Variants in IQANK1 observed in about 807,000 individuals in gnomAD.
The protein encoded by IQANK1 is IQ motif and ankyrin repeat domain-containing protein 1.
IQANK1 carries 30 observed loss-of-function variants against 22.6 expected under a neutral mutation model. The observed-to-expected ratio is 1.33, with a 90% CI of 0.99 to 1.80. IQANK1 has a LOEUF of 1.80. Ranked by LOEUF, IQANK1 falls within the 40% of genes most tolerant of loss-of-function variation. IQANK1 has a pLI of 0.00. For missense variants in IQANK1, 275 were observed against 235.2 expected, an observed-to-expected ratio of 1.17 and a Z score of -1.11; for synonymous variants, 122 against 99.6, an observed-to-expected ratio of 1.23 and a Z score of -1.34.
At chr8:143,738,832 T>A (rs1554626050) in intron 2 of IQANK1, among the ~76,000 whole-genome samples, 1 of 152,174 alleles carries the variant, frequency 6.6e-6, no homozygotes, top group African/African-American at 2.4e-5. Flanking sequence ...ACAGACAACC[T>A]GAGCCCAGCT....
chr8:143,769,968 A>G (rs940830434), intron 3 of IQANK1, among the ~76,000 whole-genome samples: 25 of 152,168 alleles, frequency 1.6e-4, no homozygotes, highest in African/African-American at 5.8e-4. Context: ...CGTGGTGCAC[A>G]GGCGTGTGCC....
At chr8:143,788,177 C>T (rs1819930070) in intron 7 of IQANK1, among the ~76,000 whole-genome samples, 1 of 152,240 alleles carries the variant, frequency 6.6e-6, no homozygotes, top group Admixed American at 6.5e-5. Flanking sequence ...GGGCAAGTGG[C>T]ATTCACACAC....
At chr8:143,787,814 G>C (rs951791491) in intron 7 of IQANK1, among the ~76,000 whole-genome samples, 16 of 151,762 alleles carry the variant, frequency 1.1e-4, no homozygotes, top group Admixed American at 1.0e-3. Context: ...CTGTGGGAAT[G>C]CGGCCGCTCA....
At position 143,790,219 on chromosome 8, in the gene IQANK1, C is replaced by T; in HGVS notation, c.1372C>T (p.Pro458Ser). The change falls in exon 13 of 14, where the codon CCG (proline) becomes TCG (serine). Residue 458 changes from proline (P) to serine (S), a missense_variant. Coordinates refer to ENST00000527139, the MANE Select transcript of IQANK1 (RefSeq NM_001381874.1). ...QDTNYVDTVN[P>S]EPLRPETMWL... ...TACCAACTATGTGGACACGGTGAAC[C>T]CGGAGCCCCTGAGGCCGGAGACGAT... The T allele has an allele frequency of 1.6e-6, 2 of 1,232,164 alleles. No homozygotes were observed. Among genetic ancestry groups the T allele is most frequent in the East Asian group, 6.3e-5 (2 of 31,712 alleles). The allele number at this position is 1,232,164 out of a possible 1,614,324, so 76.3% of individuals were successfully genotyped here. A position where few individuals can be genotyped will look rare whatever the true frequency, so the allele number is the denominator to read the frequency against.
intron 7 of IQANK1, among the ~76,000 whole-genome samples, chr8:143,772,942 G>A (rs1018334591): frequency 6.6e-6 from 1 of 152,210 alleles, no homozygotes; most frequent in Non-Finnish European, 1.5e-5. Flanking sequence ...CGGTTTTCCA[G>A]AGAACTTGAG....
At chr8:143,747,098 C>T (rs1554627292) in intron 3 of IQANK1, among the ~76,000 whole-genome samples, 1 of 152,164 alleles carries the variant, frequency 6.6e-6, no homozygotes, top group Non-Finnish European at 1.5e-5. Context: ...CCAGGATGGT[C>T]TCGATCTCCT....
At position 143,771,174 on chromosome 8, in the gene IQANK1, G is replaced by T. The variant is rs2129905585; in HGVS notation, c.176-314G>T. On this transcript the variant is annotated intron_variant, in intron 3 of 13. Transcript: ENST00000527139. The surrounding 1 kb of genome is among the most constrained non-coding windows in gnomAD (Gnocchi z 6.0). The stretch of plus-strand genomic sequence containing the variant: ...CTTTCAGGGAAGGGTGTCCCGCGGG[G>T]GACAGCACCCCTTCCTCACCGTTCC... Among the ~76,000 whole-genome samples the T allele has an allele frequency of 6.6e-6, 1 of 152,330 alleles. No individual in the cohort carries two copies. Among genetic ancestry groups the T allele is most frequent in the Admixed American group, 6.5e-5 (1 of 15,302 alleles).
intron 3 of IQANK1, among the ~76,000 whole-genome samples, chr8:143,749,209 A>ATATATATCATATATAAATATATACC (rs1563770730): frequency 1.6e-5 from 2 of 122,154 alleles, no homozygotes; most frequent in Non-Finnish European, 3.1e-5. Context: ...TAAATATATC[A>ATATATATCATATATAAATATATACC]TATATATCAT....
chr8:143,769,857 A>C (rs535368051), intron 3 of IQANK1, among the ~76,000 whole-genome samples: 1 of 152,322 alleles, frequency 6.6e-6, no homozygotes, highest in East Asian at 1.9e-4. Context: ...TGCAGAACCA[A>C]ATACTCTTCC....
intron 3 of IQANK1, among the ~76,000 whole-genome samples, chr8:143,767,144 A>G (rs1819495411): frequency 6.6e-6 from 1 of 152,262 alleles, no homozygotes; most frequent in Non-Finnish European, 1.5e-5. Context: ...TCGCAGATAC[A>G]TTCCAGAATC....
intron 3 of IQANK1, chr8:143,742,840 A>G (rs1554626773): frequency 8.8e-6 from 4 of 455,994 alleles, no homozygotes; most frequent in Admixed American, 2.3e-5. Context: ...GGTCCCAAAC[A>G]TGGCCTGTGC....
At chr8:143,785,186 A>G (rs1402445199) in intron 7 of IQANK1, among the ~76,000 whole-genome samples, 1 of 149,688 alleles carries the variant, frequency 6.7e-6, no homozygotes, top group Non-Finnish European at 1.5e-5. Flanking sequence ...AGCTATTTCT[A>G]TCATTTGTAG....
chr8:143,766,038 CA>C (rs1819475383), intron 3 of IQANK1, among the ~76,000 whole-genome samples: 1 of 152,236 alleles, frequency 6.6e-6, no homozygotes, highest in South Asian at 2.1e-4. Flanking sequence ...TCCCTCCCCA[CA>C]GCAGTGTAGG....
intron 7 of IQANK1, among the ~76,000 whole-genome samples, chr8:143,773,453 C>T (rs1051625169): frequency 6.6e-6 from 1 of 152,110 alleles, no homozygotes; most frequent in African/African-American, 2.4e-5. Context: ...AACCAGACCA[C>T]GAACCTCGCC....
At chr8:143,776,840 G>C (rs538126631) in intron 7 of IQANK1, among the ~76,000 whole-genome samples, 1 of 152,162 alleles carries the variant, frequency 6.6e-6, no homozygotes, top group African/African-American at 2.4e-5. Context: ...TCTGAGAAGC[G>C]TGAAGGAAGC....
chr8:143,734,522 T>C (rs1818669717), intron 1 of IQANK1, among the ~76,000 whole-genome samples: 1 of 149,910 alleles, frequency 6.7e-6, no homozygotes, highest in African/African-American at 2.5e-5. Flanking sequence ...CTGTGCCTCA[T>C]GTACACCAAC....
chr8:143,784,892 AG>A lies in IQANK1; in HGVS notation c.790-4022del, dbSNP rs567557769. Among the ~76,000 whole-genome samples the A allele has an allele frequency of 2.5e-3, 375 of 152,266 alleles. 1 individual carries two copies. The highest frequency in any genetic ancestry group is 4.5e-3 in the Non-Finnish European group (305 of 68,022). ...ATGATCAGCACTAGTAACTTACCAC[AG>A]TTTTTTTACCCTCTTTTCTGTATTT... is the stretch of plus-strand genomic sequence containing the variant. On this transcript the variant is annotated intron_variant, in intron 7 of 13. Transcript: ENST00000527139.
chr8:143,775,185 A>G (rs1819659164), intron 7 of IQANK1, among the ~76,000 whole-genome samples: 1 of 152,140 alleles, frequency 6.6e-6, no homozygotes, highest in South Asian at 2.1e-4. Context: ...CTATGTCAGT[A>G]TCCTAGTTTG....
chr8:143,784,400 A>G (rs541304512), intron 7 of IQANK1, among the ~76,000 whole-genome samples: 2 of 152,212 alleles, frequency 1.3e-5, no homozygotes, highest in African/African-American at 2.4e-5. Context: ...GCCTTCTGTC[A>G]TGATTGTAAG....
Sources: gnomAD v4.1 joint callset for allele counts (sites outside exome capture counted in the v4.1 genomes callset) on GRCh38, gnomAD v4.1.1 for gene constraint, Gnocchi (gnomAD v3.1) non-coding constraint, MANE v1.5 for transcripts, NCBI Gene and HGNC (gene_info 2026-07-23, HGNC 2026-07-21) for gene names.